PPP1R12B: variants seen among roughly 807,000 people sequenced by gnomAD.
PPP1R12B encodes the protein myosin phosphatase target subunit 2.
Under a neutral mutation model 126.1 loss-of-function variants are expected in PPP1R12B, and 76 were observed. The ratio of observed to expected loss-of-function variants is 0.60; its 90% CI spans 0.50 to 0.73. The LOEUF is 0.73. PPP1R12B is among the 30% of genes least tolerant of loss of function. PPP1R12B has a pLI of 0.00. For synonymous variants in PPP1R12B, 356 were observed against 434.7 expected (o/e 0.82, Z 2.25); for missense variants, 1,052 against 1,205.1 (o/e 0.87, Z 1.88).
chr1:202,524,008 C>T (rs1018761551), intron 18 of PPP1R12B, among the ~76,000 whole-genome samples: 2 of 152,100 alleles, frequency 1.3e-5, no homozygotes, highest in African/African-American at 2.4e-5. Context: ...CTACCGTGCC[C>T]GGCCAATCTG....
intron 18 of PPP1R12B, among the ~76,000 whole-genome samples, chr1:202,547,156 G>T (rs183550149): frequency 1.3e-5 from 2 of 152,246 alleles, no homozygotes; most frequent in East Asian, 3.9e-4. Flanking sequence ...TGTGACAAGG[G>T]ATTATTTTTT....
At chr1:202,477,854 T>G (rs1194899223) in intron 13 of PPP1R12B, among the ~76,000 whole-genome samples, 1 of 152,146 alleles carries the variant, frequency 6.6e-6, no homozygotes, top group Non-Finnish European at 1.5e-5. Context: ...CAAAGAAAAA[T>G]TCTTCCTGCC....
intron 18 of PPP1R12B, among the ~76,000 whole-genome samples, chr1:202,544,800 A>G (rs1409139593): frequency 6.6e-6 from 1 of 152,240 alleles, no homozygotes; most frequent in Non-Finnish European, 1.5e-5. Flanking sequence ...CATTTAATCA[A>G]TTAGCTTTGT....
At chr1:202,459,529 C>CT (rs1167855814) in intron 13 of PPP1R12B, among the ~76,000 whole-genome samples, 1 of 152,062 alleles carries the variant, frequency 6.6e-6, no homozygotes, top group African/African-American at 2.4e-5. Flanking sequence ...TGTGAAGTTC[C>CT]TTTTTTTCCC....
chr1:202,391,655 G>A (rs1664191731), intron 1 of PPP1R12B, among the ~76,000 whole-genome samples: 1 of 78,926 alleles, frequency 1.3e-5, no homozygotes, highest in South Asian at 5.5e-4. Context: ...TTATCTTCAG[G>A]TGTACTGAAG....
At chr1:202,427,380 C>G (rs994297068) in intron 5 of PPP1R12B, among the ~76,000 whole-genome samples, 196 bp downstream of exon 5, 4 of 152,198 alleles carry the variant, frequency 2.6e-5, no homozygotes, top group South Asian at 4.1e-4. Flanking sequence ...AATAAAACTC[C>G]GTGGACCTTC....
chr1:202,457,370 C>T (rs771443218), intron 13 of PPP1R12B, among the ~76,000 whole-genome samples: 1 of 151,784 alleles, frequency 6.6e-6, no homozygotes, highest in African/African-American at 2.4e-5. Context: ...ACCAACATGG[C>T]GACACGCCAT....
chr1:202,563,209 T>G (rs1687704287), intron 20 of PPP1R12B, among the ~76,000 whole-genome samples: 1 of 152,160 alleles, frequency 6.6e-6, no homozygotes, highest in Non-Finnish European at 1.5e-5. Context: ...CTCAAACTCC[T>G]GGGTTCATAG....
intron 23 of PPP1R12B, chr1:202,575,105 C>T: frequency 6.2e-7 from 1 of 1,613,826 alleles, no homozygotes; most frequent in Non-Finnish European, 8.5e-7. Flanking sequence ...CTCTCGGAGT[C>T]CATCGAGTCC....
At chr1:202,544,086 T>C (rs1572453244) in intron 18 of PPP1R12B, among the ~76,000 whole-genome samples, 1 of 152,202 alleles carries the variant, frequency 6.6e-6, no homozygotes, top group African/African-American at 2.4e-5. Context: ...ACCAGGTAGA[T>C]ATTGATGAGA....
intron 1 of PPP1R12B, among the ~76,000 whole-genome samples, chr1:202,362,896 C>T (rs911824042): frequency 9.2e-5 from 14 of 152,090 alleles, no homozygotes; most frequent in Non-Finnish European, 1.6e-4. Context: ...TGCAATGGCA[C>T]GATCTTGGCT....
chr1:202,349,125 T>G lies in PPP1R12B; in HGVS notation c.274T>G (p.Leu92Val), dbSNP rs765604251. The change falls in exon 1 of 24, where the codon TTG (leucine) becomes GTG (valine). Residue 92 changes from leucine (L) to valine (V), a missense_variant. Leu to Val is a conservative substitution (Grantham distance 32). Coordinates refer to ENST00000608999, the MANE Select transcript of PPP1R12B (RefSeq NM_002481.4). ...TATCAACACGGTCAACGTGGACGGC[T>G]TGACAGCCCTGCACCAGGTAACTCC... ...ADINTVNVDG[L>V]TALHQACIDE... 1 of 1,613,982 alleles carries G rather than the reference T, an allele frequency of 6.2e-7. No individual in the cohort carries two copies. The highest frequency in any genetic ancestry group is 1.1e-5 in the South Asian group (1 of 91,084).
chr1:202,385,091 A>G (rs1662918375), intron 1 of PPP1R12B, among the ~76,000 whole-genome samples: 1 of 152,198 alleles, frequency 6.6e-6, no homozygotes, highest in African/African-American at 2.4e-5. Flanking sequence ...ATGAGCTGCA[A>G]AATATCAAGG....
intron 1 of PPP1R12B, among the ~76,000 whole-genome samples, chr1:202,356,625 C>G (rs1031185175): frequency 4.6e-5 from 7 of 152,028 alleles, no homozygotes; most frequent in African/African-American, 1.4e-4. Flanking sequence ...GGCAAGAGAG[C>G]AGAATCAGAA....
At chr1:202,407,214 T>C (rs1184287002) in intron 1 of PPP1R12B, among the ~76,000 whole-genome samples, 1 of 152,156 alleles carries the variant, frequency 6.6e-6, no homozygotes, top group African/African-American at 2.4e-5. Flanking sequence ...ATAGAGAAGA[T>C]TGAGGGAAAC....
intron 13 of PPP1R12B, among the ~76,000 whole-genome samples, chr1:202,483,499 G>GAGTAGTTTGGTGGGA (rs1677682646): frequency 6.6e-6 from 1 of 152,098 alleles, no homozygotes; most frequent in Non-Finnish European, 1.5e-5. Context: ...AAATCCCAGT[G>GAGTAGTTTGGTGGGA]AGTAGTTTGG....
chr1:202,580,028 C>T (rs370147783), intron 23 of PPP1R12B, among the ~76,000 whole-genome samples: 196 of 152,316 alleles, frequency 1.3e-3, no homozygotes, highest in African/African-American at 4.6e-3. Flanking sequence ...AGATGTGAAG[C>T]AGTATCCTCC....
At chr1:202,521,627 A>G (rs1035268532) in intron 18 of PPP1R12B, among the ~76,000 whole-genome samples, 3 of 152,216 alleles carry the variant, frequency 2.0e-5, no homozygotes, top group Non-Finnish European at 4.4e-5. Flanking sequence ...AGAAAATTAC[A>G]GAATTAGGAA....
chr1:202,349,241 CCTT>C, intron 1 of PPP1R12B, 99 bp downstream of exon 1: 6 of 1,382,280 alleles, frequency 4.3e-6, no homozygotes, highest in South Asian at 2.6e-5. Context: ...GCCGCCGACT[CCTT>C]CTGCATGGAC....
Sources: allele counts gnomAD v4.1 joint callset (sites outside exome capture counted in the v4.1 genomes callset), GRCh38; gene constraint gnomAD v4.1.1; transcripts MANE v1.5; gene names NCBI Gene and HGNC (gene_info 2026-07-23, HGNC 2026-07-21).